The following STOX1 variants were observed in gnomAD, a reference collection of about 807,000 sequenced individuals.
The protein encoded by STOX1 is storkhead-box protein 1.
In STOX1, 57 loss-of-function variants were observed where a neutral mutation model predicts 74.8. That is an observed-to-expected ratio of 0.76 (90% CI 0.62 to 0.95). The LOEUF is 0.95. Ranked by LOEUF, STOX1 falls within the 40% of genes least tolerant of loss-of-function variation. The probability of loss-of-function intolerance (pLI) is 0.00; values close to 1 mark genes in which losing one functional copy is unlikely to be tolerated. For missense variants in STOX1, 1,010 were observed against 1,117.0 expected, an observed-to-expected ratio of 0.90 and a Z score of 1.37; for synonymous variants, 375 against 401.3, an observed-to-expected ratio of 0.93 and a Z score of 0.78.
Position 68,882,004 on chromosome 10 carries a change from C to T in STOX1, c.357C>T (p.Phe119=), listed in dbSNP as rs536994069. 4.3e-6 allele frequency: 7 copies of T among 1,613,542 alleles called. No individual in the cohort carries two copies. The highest frequency in any genetic ancestry group is 1.1e-5 in the South Asian group (1 of 91,048). ...TGAATCCAATAACTCAATCTCAGTTCGTACCTTTGGGTGAAGTTCTTTGCT... is the reference window on the plus strand; with the variant it reads ...TGAATCCAATAACTCAATCTCAGTTTGTACCTTTGGGTGAAGTTCTTTGCT... The part of the protein sequence containing the change: ...VQMNPITQSQ[F]VPLGEVLCCA... The change falls in exon 2 of 4, where the codon TTC becomes TTT. Residue 119 remains phenylalanine (F), a synonymous_variant. Transcript: ENST00000298596.
rs540801651 is a variant in STOX1, at chr10:68,834,997, T to C, written c.310+7064T>C. 2.6e-5 allele frequency among the ~76,000 whole-genome samples: 4 copies of C among 151,928 alleles called. No individual in the cohort carries two copies. In the South Asian group the frequency reaches 8.3e-4, roughly 32 times the overall value. On this transcript the variant is annotated intron_variant, in intron 1 of 3. Coordinates refer to ENST00000298596, the MANE Select transcript of STOX1 (RefSeq NM_152709.5). ...CGTTGGCCTCCCAAAGTGCTGGGCT[T>C]ATAGGCGTGAGCCACCATGCACGGC...
intron 1 of STOX1, among the ~76,000 whole-genome samples, chr10:68,860,619 A>C (rs1471559451): frequency 6.7e-6 from 1 of 148,858 alleles, no homozygotes; most frequent in Non-Finnish European, 1.5e-5. Flanking sequence ...CTTATGTCAT[A>C]TGTCTGTTAA....
chr10:68,862,698 TC>T (rs1439677342), intron 1 of STOX1, among the ~76,000 whole-genome samples: 1 of 152,072 alleles, frequency 6.6e-6, no homozygotes, highest in Non-Finnish European at 1.5e-5. Context: ...ATCTGATCGT[TC>T]TGTTCAGACA....
intron 1 of STOX1, among the ~76,000 whole-genome samples, chr10:68,838,750 A>C (rs369095808): frequency 9.9e-5 from 15 of 152,182 alleles, no homozygotes; most frequent in Middle Eastern, 3.4e-3. Context: ...CTCTACTAAA[A>C]ATACAAAAAA....
intron 1 of STOX1, among the ~76,000 whole-genome samples, chr10:68,866,776 A>T (rs1490310504): frequency 1.3e-5 from 2 of 152,068 alleles, no homozygotes; most frequent in African/African-American, 2.4e-5. Flanking sequence ...CTGCAGCATT[A>T]CTGGCTGTGG....
At chr10:68,849,902 G>T (rs1373598635) in intron 1 of STOX1, among the ~76,000 whole-genome samples, 1 of 152,108 alleles carries the variant, frequency 6.6e-6, no homozygotes, top group Non-Finnish European at 1.5e-5. Flanking sequence ...ACAACCCTAA[G>T]AAAGATACGG....
intron 1 of STOX1, among the ~76,000 whole-genome samples, chr10:68,836,282 C>T (rs933083876): frequency 6.6e-6 from 1 of 152,182 alleles, no homozygotes; most frequent in Non-Finnish European, 1.5e-5. Context: ...ACAGTAGCCC[C>T]TTTTCAGGTT....
intron 1 of STOX1, among the ~76,000 whole-genome samples, chr10:68,869,953 TACTC>T (rs1840496886): frequency 6.6e-6 from 1 of 152,086 alleles, no homozygotes; most frequent in Non-Finnish European, 1.5e-5. Flanking sequence ...AGAGGCGACT[TACTC>T]AGGGTCACAG....
Position 68,884,991 on chromosome 10 carries a change from A to G in STOX1, c.1195A>G (p.Met399Val), listed in dbSNP as rs1202703621. ...KYNSQGTSTD[M>V]LTIGHKYPSK... ...TAATAGCCAGGGCACTTCCACTGAC[A>G]TGCTGACAATCGGGCATAAGTATCC... Residue 399 changes from methionine to valine, a missense_variant, in exon 3 of 4, where the codon ATG becomes GTG. Coordinates refer to ENST00000298596, the MANE Select transcript of STOX1 (RefSeq NM_152709.5). 1.9e-6 allele frequency: 3 copies of G among 1,614,110 alleles called. No homozygotes were observed. The African/African-American group carries it at 4.0e-5, about 22-fold the overall frequency.
intron 1 of STOX1, among the ~76,000 whole-genome samples, chr10:68,842,647 T>C (rs1839723302): frequency 6.6e-6 from 1 of 150,968 alleles, no homozygotes; most frequent in South Asian, 2.1e-4. Flanking sequence ...TTCAAGCAGT[T>C]CTCTGCCTCA....
At chr10:68,836,307 G>C (rs1839551819) in intron 1 of STOX1, among the ~76,000 whole-genome samples, 1 of 152,164 alleles carries the variant, frequency 6.6e-6, no homozygotes, top group Non-Finnish European at 1.5e-5. Context: ...TGAAGATAAG[G>C]TACCTGAGAG....
Position 68,884,531 on chromosome 10 carries a change from G to T in STOX1, c.735G>T (p.Gln245His), listed in dbSNP as rs1211744854. 10 of 1,613,726 alleles carry T rather than the reference G, an allele frequency of 6.2e-6. No homozygotes were observed. Among genetic ancestry groups the T allele is most frequent in the Non-Finnish European group, 7.6e-6 (9 of 1,180,058 alleles). ...AAPISHCQSC[Q>H]CFRDMHTQDV... Reference sequence around the variant, plus strand: ...CCATATCCCACTGTCAGTCTTGCCAGTGTTTCCGGGACATGCACACTCAGG... The same window carrying T: ...CCATATCCCACTGTCAGTCTTGCCATTGTTTCCGGGACATGCACACTCAGG... Residue 245 changes from glutamine (Q) to histidine (H), a missense_variant, in exon 3 of 4, where the codon CAG becomes CAT. Gln to His is a conservative substitution (Grantham distance 24, BLOSUM62 0). Transcript: ENST00000298596.
intron 3 of STOX1, among the ~76,000 whole-genome samples, chr10:68,888,502 C>T (rs893984707): frequency 3.9e-5 from 6 of 151,938 alleles, no homozygotes; most frequent in Non-Finnish European, 7.4e-5. Flanking sequence ...CTACTGGGCT[C>T]GTACTGAGTT....
At chr10:68,830,860 T>C (rs947809868) in intron 1 of STOX1, among the ~76,000 whole-genome samples, 5 of 152,190 alleles carry the variant, frequency 3.3e-5, no homozygotes, top group Admixed American at 6.5e-5. Flanking sequence ...TGCTTTTGCT[T>C]TGAATAGCGT....
rs551181674 is a variant in STOX1 at position 68,863,993 on chromosome 10, C to T, written c.311-17965C>T. On this transcript the variant is annotated intron_variant, in intron 1 of 3. Coordinates refer to ENST00000298596, the MANE Select transcript of STOX1 (RefSeq NM_152709.5). ...AGGCTGGAGTGCAGTGGCGCGATCT[C>T]GGCTCACTGCAAGCTCTGCCTGCCA... Among the ~76,000 whole-genome samples the T allele has an allele frequency of 6.0e-5, 9 of 151,226 alleles. No individual in the cohort carries two copies. In the East Asian group the frequency reaches 1.4e-3, roughly 23 times the overall value.
intron 1 of STOX1, among the ~76,000 whole-genome samples, chr10:68,856,597 A>T (rs1247638116): frequency 2.0e-5 from 3 of 152,182 alleles, no homozygotes; most frequent in African/African-American, 7.2e-5. Context: ...TGAGACAGGA[A>T]GATCAGCTGG....
intron 3 of STOX1, among the ~76,000 whole-genome samples, chr10:68,890,105 G>A (rs563903091): frequency 6.6e-6 from 1 of 151,732 alleles, no homozygotes; most frequent in East Asian, 1.9e-4. Flanking sequence ...CCACAAGCTT[G>A]TTCTTTTTAA....
At chr10:68,874,863 T>G (rs1840638357) in intron 1 of STOX1, among the ~76,000 whole-genome samples, 2 of 152,124 alleles carry the variant, frequency 1.3e-5, no homozygotes, top group South Asian at 4.1e-4. Context: ...TCCAAGGGTG[T>G]TGTGAGTGGA....
intron 1 of STOX1, among the ~76,000 whole-genome samples, chr10:68,847,824 T>C (rs1163174): frequency 0.54 from 81,937 of 151,578 alleles, 22,526 homozygotes; most frequent in Middle Eastern, 0.59. Context: ...CTCCACCTCC[T>C]GGGTTTAAGC....
Sources: gnomAD v4.1 joint callset for allele counts (sites outside exome capture counted in the v4.1 genomes callset) on GRCh38, gnomAD v4.1.1 for gene constraint, MANE v1.5 for transcripts, NCBI Gene and HGNC (gene_info 2026-07-23, HGNC 2026-07-21) for gene names.